The following RBFOX1 variants were observed in gnomAD, a reference collection of about 807,000 sequenced individuals.
The protein encoded by RBFOX1 is RNA binding fox-1 homolog 1.
In RBFOX1, 8 loss-of-function variants were observed where a neutral mutation model predicts 57.7. The observed-to-expected ratio is 0.14, with a 90% confidence interval of 0.08 to 0.25. The LOEUF is 0.25. Ranked by LOEUF, RBFOX1 falls within the 10% of genes least tolerant of loss-of-function variation. RBFOX1 has a pLI of 1.00. For missense variants in RBFOX1, 611 were observed against 548.5 expected, an observed-to-expected ratio of 1.11 and a Z score of -1.14; for synonymous variants, 326 against 222.4, an observed-to-expected ratio of 1.47 and a Z score of -4.15.
chr16:6,469,419 G>C (rs1015392570), intron 2 of RBFOX1, among the ~76,000 whole-genome samples: 1 of 152,158 alleles, frequency 6.6e-6, no homozygotes, highest in East Asian at 1.9e-4. Flanking sequence ...GTTTTCTCCA[G>C]GTCTGAGCTG....
intron 3 of RBFOX1, among the ~76,000 whole-genome samples, chr16:5,859,894 A>T (rs2057166536): frequency 6.6e-6 from 1 of 152,148 alleles, no homozygotes; most frequent in African/African-American, 2.4e-5. Context: ...GAGTTGACTC[A>T]GGTTTCTTGG....
At chr16:5,262,401 T>C (rs939256399) in intron 1 of RBFOX1, among the ~76,000 whole-genome samples, 1 of 152,204 alleles carries the variant, frequency 6.6e-6, no homozygotes, top group African/African-American at 2.4e-5. Flanking sequence ...ACTGAAGACC[T>C]GAACAAAACA....
chr16:5,536,543 G>C (rs2044705448), intron 2 of RBFOX1, among the ~76,000 whole-genome samples: 1 of 152,012 alleles, frequency 6.6e-6, no homozygotes, highest in Non-Finnish European at 1.5e-5. Context: ...GCCCTGTCTA[G>C]GTCTTACTGC....
intron 4 of RBFOX1, among the ~76,000 whole-genome samples, chr16:7,427,237 A>T (rs1449699024): frequency 6.6e-6 from 1 of 152,216 alleles, no homozygotes; most frequent in Admixed American, 6.5e-5. Flanking sequence ...CATGTTGTGC[A>T]CATGTACCCT....
intron 4 of RBFOX1, among the ~76,000 whole-genome samples, chr16:7,223,286 G>C (rs992940605): frequency 8.5e-5 from 13 of 152,140 alleles, no homozygotes; most frequent in African/African-American, 2.9e-4. Flanking sequence ...TGAAACCCTG[G>C]GTGTCTCTTG....
chr16:6,881,779 C>A (rs1208922696), intron 3 of RBFOX1, among the ~76,000 whole-genome samples: 1 of 152,144 alleles, frequency 6.6e-6, no homozygotes, highest in Non-Finnish European at 1.5e-5. Context: ...TACCATTATC[C>A]ACTGGAGCCT....
chr16:6,600,946 A>G (rs2097845653), intron 2 of RBFOX1, among the ~76,000 whole-genome samples: 1 of 152,210 alleles, frequency 6.6e-6, no homozygotes, highest in South Asian at 2.1e-4. Context: ...TGAGTCAGAA[A>G]AGTGTGAGAA....
intron 12 of RBFOX1, among the ~76,000 whole-genome samples, chr16:7,664,055 G>A (rs2068521737): frequency 6.6e-6 from 1 of 152,158 alleles, no homozygotes; most frequent in South Asian, 2.1e-4. Flanking sequence ...GTTCAATCAA[G>A]GTGTGGGTCT....
At chr16:5,679,180 T>C (rs2050255331) in intron 3 of RBFOX1, among the ~76,000 whole-genome samples, 1 of 152,218 alleles carries the variant, frequency 6.6e-6, no homozygotes, top group South Asian at 2.1e-4. Flanking sequence ...TTGAAAGTAC[T>C]GTGATCTTTT....
chr16:6,840,897 A>AAAAAAAAAAAAAAAAAAAAG (rs751671784), intron 3 of RBFOX1, among the ~76,000 whole-genome samples: 3 of 137,498 alleles, frequency 2.2e-5, no homozygotes, highest in African/African-American at 8.5e-5. Context: ...CAAAAAAAAA[A>AAAAAAAAAAAAAAAAAAAAG]AAAAAAACGA....
chr16:6,626,447 A>G (rs893679927), intron 2 of RBFOX1, among the ~76,000 whole-genome samples: 5 of 152,114 alleles, frequency 3.3e-5, no homozygotes, highest in African/African-American at 9.7e-5. Context: ...ATAGATACAC[A>G]CACTCAACAG....
intron 2 of RBFOX1, among the ~76,000 whole-genome samples, chr16:6,428,166 G>C (rs573204944): frequency 6.6e-6 from 1 of 151,396 alleles, no homozygotes; most frequent in African/African-American, 2.4e-5. Flanking sequence ...TATGCCTGTA[G>C]TTCCAGCTAC....
intron 2 of RBFOX1, among the ~76,000 whole-genome samples, chr16:6,487,660 G>T (rs2095515148): frequency 8.7e-6 from 1 of 115,336 alleles, no homozygotes. Context: ...TCCAAAGATG[G>T]CAGTGATATA....
At chr16:5,265,370 T>G (rs1419870648) in intron 1 of RBFOX1, among the ~76,000 whole-genome samples, 1 of 152,196 alleles carries the variant, frequency 6.6e-6, no homozygotes, top group Non-Finnish European at 1.5e-5. Context: ...AGCTTCTTGC[T>G]ACAGTGATAC....
intron 4 of RBFOX1, among the ~76,000 whole-genome samples, chr16:5,949,485 C>G (rs2059474271): frequency 7.5e-6 from 1 of 133,162 alleles, no homozygotes; most frequent in East Asian, 2.2e-4. Context: ...GAGATCACGC[C>G]AGTGCACTCT....
chr16:5,515,296 G>T (rs970261384), intron 2 of RBFOX1, among the ~76,000 whole-genome samples: 3 of 152,232 alleles, frequency 2.0e-5, no homozygotes, highest in Admixed American at 1.3e-4. Context: ...TTTTCCTGTA[G>T]CTGTCAGCAC....
intron 1 of RBFOX1, among the ~76,000 whole-genome samples, chr16:6,316,554 G>A (rs1489038731): frequency 6.6e-6 from 1 of 152,060 alleles, no homozygotes; most frequent in African/African-American, 2.4e-5. Context: ...AATTCCTAGG[G>A]GGAAAATCCA....
rs1433475650 is a variant in RBFOX1 at position 5,728,316 on chromosome 16, A to T, written c.318+129355A>T. 2.0e-5 allele frequency among the ~76,000 whole-genome samples: 3 copies of T among 152,250 alleles called. No individual in the cohort carries two copies. The East Asian group carries it at 5.8e-4, about 29-fold the overall frequency. ...AATCCTGCCATTTTCAATAACATGGATGAATGCTGCTTTTTATCCCTATTG... is the reference window on the plus strand; with the variant it reads ...AATCCTGCCATTTTCAATAACATGGTTGAATGCTGCTTTTTATCCCTATTG... On this transcript the variant is annotated intron_variant, in intron 3 of 19. Transcript: ENST00000641259.
chr16:7,291,196 G>A (rs942388449), intron 4 of RBFOX1, among the ~76,000 whole-genome samples: 3 of 152,188 alleles, frequency 2.0e-5, no homozygotes, highest in Non-Finnish European at 4.4e-5. Context: ...AAGATGTGCA[G>A]AACCAGCTTA....
Sources: gnomAD v4.1 joint callset for allele counts (sites outside exome capture counted in the v4.1 genomes callset) on GRCh38, gnomAD v4.1.1 for gene constraint, MANE v1.5 for transcripts, NCBI Gene and HGNC (gene_info 2026-07-23, HGNC 2026-07-21) for gene names.